The following BACH2 variants were observed in gnomAD, a reference collection of about 807,000 sequenced individuals.
BACH2 encodes the protein BACH transcriptional regulator 2.
Under a neutral mutation model 61.8 loss-of-function variants are expected in BACH2, and 5 were observed. The ratio of observed to expected loss-of-function variants is 0.08; its 90% CI spans 0.04 to 0.17. BACH2 has a LOEUF of 0.17. Among genes scored for constraint, BACH2 ranks in the 10% least tolerant of loss-of-function variants. BACH2 has a pLI of 1.00. For synonymous variants in BACH2, 446 were observed against 440.1 expected, an observed-to-expected ratio of 1.01 and a Z score of -0.17; for missense variants, 824 against 1,091.1, an observed-to-expected ratio of 0.76 and a Z score of 3.45.
rs531130351 is a variant in BACH2 at position 90,080,080 on chromosome 6, C to T, written c.-13+8881G>A. On this transcript the variant is annotated intron_variant, in intron 5 of 8. Transcript: ENST00000257749. Reference sequence around the variant, plus strand: ...GAACCACATCTCAGCCAATCTTCCGCAAAGAAATGTACCCAAAAACTTTTC... The same window carrying T: ...GAACCACATCTCAGCCAATCTTCCGTAAAGAAATGTACCCAAAAACTTTTC... 9.2e-5 allele frequency among the ~76,000 whole-genome samples: 14 copies of T among 152,194 alleles called. No homozygotes were observed. In the South Asian group the frequency reaches 2.9e-3, roughly 32 times the overall value.
At chr6:90,284,976 AAG>A (rs1253887869) in intron 1 of BACH2, among the ~76,000 whole-genome samples, 2 of 152,198 alleles carry the variant, frequency 1.3e-5, no homozygotes, top group Non-Finnish European at 2.9e-5. Context: ...ACTTAAGAAA[AAG>A]AAGGCAAACT....
chr6:89,993,727 G>T (rs887947745), intron 6 of BACH2, among the ~76,000 whole-genome samples: 1 of 152,000 alleles, frequency 6.6e-6, no homozygotes, highest in Non-Finnish European at 1.5e-5. Context: ...CAAGTGACAT[G>T]TGGATAGGGA....
At chr6:89,948,248 C>T (rs764372761) in intron 7 of BACH2, among the ~76,000 whole-genome samples, 7 of 152,076 alleles carry the variant, frequency 4.6e-5, no homozygotes, top group South Asian at 2.1e-4. Flanking sequence ...ACTTTGTCAC[C>T]GAGGCTGGAG....
intron 4 of BACH2, among the ~76,000 whole-genome samples, chr6:90,116,395 G>GA (rs1783399925): frequency 6.6e-6 from 1 of 152,168 alleles, no homozygotes; most frequent in Admixed American, 6.5e-5. Flanking sequence ...TGCAGGAACA[G>GA]AAAACCAAAT....
At chr6:90,146,555 A>G (rs911121123) in intron 4 of BACH2, among the ~76,000 whole-genome samples, 1 of 152,196 alleles carries the variant, frequency 6.6e-6, no homozygotes, top group African/African-American at 2.4e-5. Context: ...CTGATGGTCA[A>G]CTCTTCCAAG....
At chr6:90,138,370 G>A (rs1182017384) in intron 4 of BACH2, among the ~76,000 whole-genome samples, 3 of 152,184 alleles carry the variant, frequency 2.0e-5, no homozygotes, top group Admixed American at 2.0e-4. Flanking sequence ...ATGCGTGGTG[G>A]CGTGTGCCTG....
chr6:90,029,768 G>C (rs137998195), intron 5 of BACH2, among the ~76,000 whole-genome samples: 3 of 152,044 alleles, frequency 2.0e-5, no homozygotes, highest in African/African-American at 7.2e-5. Flanking sequence ...ATATCCCTAC[G>C]CTCTCCAGAG....
At chr6:90,016,485 C>T (rs558390079) in intron 5 of BACH2, among the ~76,000 whole-genome samples, 2 of 152,256 alleles carry the variant, frequency 1.3e-5, no homozygotes, top group East Asian at 3.9e-4. Context: ...CCAGTGATAT[C>T]ATAATATGCT....
At chr6:90,258,391 C>T (rs899305801) in intron 2 of BACH2, among the ~76,000 whole-genome samples, 8 of 152,054 alleles carry the variant, frequency 5.3e-5, no homozygotes, top group Non-Finnish European at 1.0e-4. Context: ...GGATTTATTT[C>T]TGGACTCTCT....
chr6:89,977,994 T>G (rs1414747131), intron 6 of BACH2, among the ~76,000 whole-genome samples: 1 of 152,162 alleles, frequency 6.6e-6, no homozygotes, highest in African/African-American at 2.4e-5. Context: ...ACACCATATG[T>G]AATCACTCCA....
intron 5 of BACH2, among the ~76,000 whole-genome samples, chr6:90,011,930 ATATGTGTGTGTGTGTGTGTGTGTGTGTG>A (rs1326752245): frequency 1.8e-3 from 177 of 98,766 alleles, no homozygotes; most frequent in African/African-American, 5.3e-3. Context: ...AAAAAAAAAA[ATATGTGTGTGTGTGTGTGTGTGTGTGTG>A]TGTGTGTGTG....
chr6:89,950,917 C>G lies in BACH2; in HGVS notation c.1189G>C (p.Val397Leu), dbSNP rs201928231. 2.1e-5 allele frequency: 33 copies of G among 1,587,218 alleles called. No homozygotes were observed. In the African/African-American group the frequency reaches 3.6e-4, roughly 17 times the overall value. Residue 397 changes from valine to leucine, a missense_variant, in exon 7 of 9, where the codon GTG becomes CTG. Val to Leu is a conservative substitution (Grantham distance 32). Coordinates refer to ENST00000257749, the MANE Select transcript of BACH2 (RefSeq NM_021813.4). This position sits in a 1 kb window ranked among gnomAD's most constrained non-coding sequence, Gnocchi z 5.3. Reference sequence around the variant, plus strand: ...AAGTTGGACACCTCCTTCTGGCCCACGTGGGGCTGTCCATAATTCCCTGTG... The same window carrying G: ...AAGTTGGACACCTCCTTCTGGCCCAGGTGGGGCTGTCCATAATTCCCTGTG... Reference protein sequence around the residue: ...PFTGNYGQPHVGQKEVSNFTM... With the variant: ...PFTGNYGQPHLGQKEVSNFTM...
intron 4 of BACH2, among the ~76,000 whole-genome samples, chr6:90,143,077 G>A (rs1784514066): frequency 6.6e-6 from 1 of 152,166 alleles, no homozygotes; most frequent in Non-Finnish European, 1.5e-5. Flanking sequence ...ATTCACTGCA[G>A]ATTCCTTTAT....
At chr6:90,274,822 T>C (rs1771641826) in intron 1 of BACH2, among the ~76,000 whole-genome samples, 1 of 152,182 alleles carries the variant, frequency 6.6e-6, no homozygotes, top group African/African-American at 2.4e-5. Flanking sequence ...CCCTGATAAC[T>C]GGCAGCATAA....
chr6:90,165,033 T>C (rs1464131767), intron 4 of BACH2, among the ~76,000 whole-genome samples: 1 of 152,196 alleles, frequency 6.6e-6, no homozygotes, highest in Non-Finnish European at 1.5e-5. Context: ...TCACCACTCT[T>C]ATTCAACATA....
chr6:89,935,346 G>T (rs186534885), intron 8 of BACH2, among the ~76,000 whole-genome samples: 16 of 152,302 alleles, frequency 1.1e-4, no homozygotes, highest in Admixed American at 1.0e-3. Context: ...CAATGTGAGG[G>T]GCAATACTGC....
chr6:89,985,534 T>A (rs1776194447), intron 6 of BACH2, among the ~76,000 whole-genome samples: 2 of 152,126 alleles, frequency 1.3e-5, no homozygotes, highest in Non-Finnish European at 2.9e-5. Flanking sequence ...GTCATGTCCC[T>A]GAGAGTGACA....
chr6:89,972,869 T>C (rs1444560123), intron 6 of BACH2, among the ~76,000 whole-genome samples: 1 of 152,100 alleles, frequency 6.6e-6, no homozygotes, highest in Non-Finnish European at 1.5e-5. Flanking sequence ...GGTGGGCAGA[T>C]CACGAGGTCA....
chr6:90,045,073 A>G (rs1403358220), intron 5 of BACH2, among the ~76,000 whole-genome samples: 1 of 152,244 alleles, frequency 6.6e-6, no homozygotes, highest in Non-Finnish European at 1.5e-5. Flanking sequence ...GTTTATGCTC[A>G]GGAAGGAAAC....
Sources: gnomAD v4.1 joint callset for allele counts (sites outside exome capture counted in the v4.1 genomes callset) on GRCh38, gnomAD v4.1.1 for gene constraint, Gnocchi (gnomAD v3.1) non-coding constraint, MANE v1.5 for transcripts, NCBI Gene and HGNC (gene_info 2026-07-23, HGNC 2026-07-21) for gene names.